The following RSPO4 variants were observed in gnomAD, a reference collection of about 807,000 sequenced individuals.
RSPO4 encodes the protein R-spondin-4.
Under a neutral mutation model 24.8 loss-of-function variants are expected in RSPO4, and 23 were observed. The ratio of observed to expected loss-of-function variants is 0.93; its 90% CI spans 0.67 to 1.31. The LOEUF (loss-of-function observed/expected upper bound fraction) is 1.31, where lower values mean the gene tolerates loss of function less well. RSPO4 is among the 40% of genes most tolerant of loss of function. The probability of loss-of-function intolerance (pLI) is 0.00; values close to 1 mark genes in which losing one functional copy is unlikely to be tolerated. For missense variants in RSPO4, 333 were observed against 316.5 expected, an observed-to-expected ratio of 1.05 and a Z score of -0.39; for synonymous variants, 141 against 127.4, an observed-to-expected ratio of 1.11 and a Z score of -0.72.
At chr20:962,088 T>C (rs1441054464) in intron 4 of RSPO4, among the ~76,000 whole-genome samples, 1 of 152,186 alleles carries the variant, frequency 6.6e-6, no homozygotes, top group Non-Finnish European at 1.5e-5. Context: ...TGCCAGACTG[T>C]GTTAGAGGCA....
chr20:971,045 G>A (rs1487197624), intron 1 of RSPO4, among the ~76,000 whole-genome samples: 1 of 152,138 alleles, frequency 6.6e-6, no homozygotes, highest in Non-Finnish European at 1.5e-5. Context: ...GTCTCTCTCT[G>A]TTTCCCAGGC....
rs2122202391 is a variant in RSPO4 at position 960,196 on chromosome 20, A to C, written c.*161T>G. The C allele has an allele frequency of 1.6e-6, 1 of 606,182 alleles. No homozygotes were observed. The highest frequency in any genetic ancestry group is 2.9e-6 in the Non-Finnish European group (1 of 340,938). 37.6% of individuals were successfully genotyped at this position (606,182 alleles called of 1,614,324 possible). On this transcript the variant is annotated 3_prime_UTR_variant, in exon 5 of 5. Transcript: ENST00000217260. Reference sequence around the variant, plus strand: ...AATAAAGGAAATAAAAAAGAAAAAGAAAGGGAAGGTAGACTGACAGAAAAA... The same window carrying C: ...AATAAAGGAAATAAAAAAGAAAAAGCAAGGGAAGGTAGACTGACAGAAAAA...
intron 1 of RSPO4, among the ~76,000 whole-genome samples, chr20:992,036 C>T (rs113883385): frequency 2.6e-5 from 4 of 151,646 alleles, no homozygotes; most frequent in Non-Finnish European, 4.4e-5. Context: ...TGAGAGGGGA[C>T]GAGGAAGTAA....
Position 991,428 on chromosome 20 carries a change from A to AT in RSPO4, c.79+10657dup, listed in dbSNP as rs201727857. Reference sequence around the variant, plus strand: ...ACTCTACAAAGTCAGATTAAAAAAGATTTTTTTTGTGTCAAAATGAACATG... The same window carrying AT: ...ACTCTACAAAGTCAGATTAAAAAAGATTTTTTTTTGTGTCAAAATGAACATG... On this transcript the variant is annotated intron_variant, in intron 1 of 4. Transcript: ENST00000217260. 4.4e-3 allele frequency among the ~76,000 whole-genome samples: 669 copies of AT among 152,236 alleles called. 4 individuals carry two copies. The highest frequency in any genetic ancestry group is 7.8e-3 in the Admixed American group (119 of 15,286).
rs752576473 is a variant in RSPO4, at chr20:958,521, G to A, written c.*1836C>T. On this transcript the variant is annotated 3_prime_UTR_variant, in exon 5 of 5. Transcript: ENST00000217260. ...GTTAGGGTCTTGAAACAATAACAAC[G>A]GAGCATTTCAGAGGCACAAACGTTT... 7 of 152,054 alleles carry A rather than the reference G, an allele frequency of 4.6e-5. No individual in the cohort carries two copies. The highest frequency in any genetic ancestry group is 7.4e-5 in the Non-Finnish European group (5 of 68,012). The allele number at this position is 152,054 out of a possible 1,614,324, so 9.4% of individuals were successfully genotyped here.
At chr20:969,291 C>G (rs142332813) in intron 1 of RSPO4, among the ~76,000 whole-genome samples, 1 of 152,214 alleles carries the variant, frequency 6.6e-6, no homozygotes, top group Non-Finnish European at 1.5e-5. Flanking sequence ...GTCGGAGAGA[C>G]AGAGTGAAGC....
rs1984100377 is a variant in RSPO4 at position 964,057 on chromosome 20, C to A, written c.473G>T (p.Gly158Val). ...CCGGCTCTCCAGGCCCCAAGCCGAG[C>A]CGCAGGTCTTTCCATTGTGTGTGCA... The part of the protein sequence containing the change: ...SPCTHNGKTC[G>V]SAWGLESRVR... Residue 158 changes from glycine to valine, a missense_variant, in exon 4 of 5, where the codon GGC becomes GTC. By Grantham distance (109) the Gly-to-Val change is moderately radical. Transcript: ENST00000217260. The A allele has an allele frequency of 3.7e-6, 6 of 1,613,854 alleles. No individual in the cohort carries two copies. The highest frequency in any genetic ancestry group is 4.2e-6 in the Non-Finnish European group (5 of 1,180,032).
chr20:963,815 T>C (rs1984082563), intron 4 of RSPO4, 120 bp downstream of exon 4: 12 of 992,398 alleles, frequency 1.2e-5, no homozygotes, highest in Non-Finnish European at 1.6e-6. Context: ...CATGATAGTA[T>C]GGCTAATGGT....
chr20:982,916 A>G (rs1232122167), intron 1 of RSPO4, among the ~76,000 whole-genome samples: 1 of 152,222 alleles, frequency 6.6e-6, no homozygotes, highest in African/African-American at 2.4e-5. Context: ...GGACGTCTGC[A>G]GTGGCAGGAC....
At chr20:962,983 C>T (rs1179890709) in intron 4 of RSPO4, among the ~76,000 whole-genome samples, 1 of 152,216 alleles carries the variant, frequency 6.6e-6, no homozygotes, top group Non-Finnish European at 1.5e-5. Context: ...ATAGAGAATT[C>T]GGCACAGTGC....
At position 993,202 on chromosome 20, in the gene RSPO4, C is replaced by T. The variant is rs1001564693; in HGVS notation, c.79+8884G>A. 2.6e-5 allele frequency among the ~76,000 whole-genome samples: 4 copies of T among 152,338 alleles called. No individual in the cohort carries two copies. The South Asian group carries it at 6.2e-4, about 24-fold the overall frequency. On this transcript the variant is annotated intron_variant, in intron 1 of 4. Coordinates refer to ENST00000217260, the MANE Select transcript of RSPO4 (RefSeq NM_001029871.4). The stretch of plus-strand genomic sequence containing the variant: ...GTGAAACAGAATTTCCCACCCCCTC[C>T]GCAATGGCACATCAGAGCCCCCACT...
intron 1 of RSPO4, among the ~76,000 whole-genome samples, chr20:999,257 C>T (rs1254081144): frequency 6.6e-6 from 1 of 152,162 alleles, no homozygotes; most frequent in East Asian, 1.9e-4. Flanking sequence ...TCAAGCTATC[C>T]TCCCATCTTG....
In RSPO4 at chr20:1,002,176, G is replaced by C; in HGVS notation, c.-12C>G. The C allele has an allele frequency of 1.3e-6, 2 of 1,530,560 alleles. No individual in the cohort carries two copies. Among genetic ancestry groups the C allele is most frequent in the South Asian group, 1.2e-5 (1 of 82,924 alleles). 94.8% of individuals were successfully genotyped at this position (1,530,560 alleles called of 1,614,324 possible). On this transcript the variant is annotated 5_prime_UTR_variant, in exon 1 of 5. In the 5' UTR this introduces an upstream ATG that the reference lacks. Transcript: ENST00000217260. This position sits in a 1 kb window ranked among gnomAD's most constrained non-coding sequence, Gnocchi z 4.6. Reference sequence around the variant, plus strand: ...AGTGGCGCCCGCATCTGGGCAGCCGGATCCGGGCTGGCGCTCCCCAGGCGG... The same window carrying C: ...AGTGGCGCCCGCATCTGGGCAGCCGCATCCGGGCTGGCGCTCCCCAGGCGG...
At chr20:963,503 T>A (rs1984072434) in intron 4 of RSPO4, among the ~76,000 whole-genome samples, 1 of 152,122 alleles carries the variant, frequency 6.6e-6, no homozygotes, top group South Asian at 2.1e-4. Context: ...TCCCTAAGTG[T>A]CTGTTGGTAT....
At chr20:974,328 C>G (rs1160407200) in intron 1 of RSPO4, among the ~76,000 whole-genome samples, 1 of 152,238 alleles carries the variant, frequency 6.6e-6, no homozygotes, top group Non-Finnish European at 1.5e-5. Flanking sequence ...CAATGGCTGT[C>G]TCTTCCAGGA....
chr20:989,219 C>T (rs1255467041), intron 1 of RSPO4, among the ~76,000 whole-genome samples: 2 of 152,114 alleles, frequency 1.3e-5, no homozygotes, highest in African/African-American at 4.8e-5. Context: ...AACTGCCCAG[C>T]CCCTGGAAGT....
rs1241980974 is a variant in RSPO4, at chr20:968,086, C to A, written c.132G>T (p.Glu44Asp). Residue 44 changes from glutamate (E) to aspartate (D), a missense_variant, in exon 2 of 5, where the codon GAG becomes GAT. Glu to Asp is a conservative substitution (Grantham distance 45). Coordinates refer to ENST00000217260, the MANE Select transcript of RSPO4 (RefSeq NM_001029871.4). ...TCTGCTGGCAGGTGGAACAGCCGTT[C>A]TCCTCTGAGCAGATGATACAGCCTG... is the stretch of plus-strand genomic sequence containing the variant. Reference protein sequence around the residue: ...NCTGCIICSEENGCSTCQQRL... With the variant: ...NCTGCIICSEDNGCSTCQQRL... 6.2e-7 allele frequency: 1 copy of A among 1,614,110 alleles called. No individual in the cohort carries two copies. Among genetic ancestry groups the A allele is most frequent in the Non-Finnish European group, 8.5e-7 (1 of 1,180,054 alleles).
intron 1 of RSPO4, among the ~76,000 whole-genome samples, chr20:985,117 AT>A (rs1262169549): frequency 1.5e-4 from 22 of 142,068 alleles, no homozygotes; most frequent in African/African-American, 3.8e-4. Context: ...CCATCCATCC[AT>A]CCACCCACCC....
chr20:964,722 A>T (rs1294479037), intron 3 of RSPO4, among the ~76,000 whole-genome samples: 1 of 151,184 alleles, frequency 6.6e-6, no homozygotes, highest in Non-Finnish European at 1.5e-5. Context: ...ATATATATAC[A>T]CATATATATA....
Sources: allele counts gnomAD v4.1 joint callset (sites outside exome capture counted in the v4.1 genomes callset), GRCh38; gene constraint gnomAD v4.1.1; non-coding constraint Gnocchi (gnomAD v3.1); transcripts MANE v1.5; gene names NCBI Gene and HGNC (gene_info 2026-07-23, HGNC 2026-07-21).